Variants in VAV2 observed in about 807,000 individuals in gnomAD.
The protein encoded by VAV2 is guanine nucleotide exchange factor VAV2.
VAV2 carries 67 observed loss-of-function variants against 132.5 expected under a neutral mutation model. The observed-to-expected ratio is 0.51, with a 90% CI of 0.42 to 0.62. The LOEUF is 0.62. Among genes scored for constraint, VAV2 ranks in the 20% least tolerant of loss-of-function variants. The pLI, the probability that VAV2 is intolerant of heterozygous loss-of-function variation, is 0.00. For synonymous variants in VAV2, 492 were observed against 443.5 expected (o/e 1.11, Z -1.37); for missense variants, 938 against 1,153.6 (o/e 0.81, Z 2.71).
chr9:133,783,531 G>A lies in VAV2; in HGVS notation c.1695C>T (p.Cys565=). 1 of 1,613,902 alleles carries A rather than the reference G, an allele frequency of 6.2e-7. No homozygotes were observed. Among genetic ancestry groups the A allele is most frequent in the Non-Finnish European group, 8.5e-7 (1 of 1,179,954 alleles). Reference sequence around the variant, plus strand: ...ACTTGCAGGGAGGTATCACTTCCAGGCACTCCTTGTGTGCCCCGACGCCAC... The same window carrying A: ...ACTTGCAGGGAGGTATCACTTCCAGACACTCCTTGTGTGCCCCGACGCCAC... ...TKCGVGAHKE[C]LEVIPPCKFT... The change falls in exon 19 of 30, where the codon TGC becomes TGT. Residue 565 remains cysteine (C), a synonymous_variant. Coordinates refer to ENST00000371850, the MANE Select transcript of VAV2 (RefSeq NM_001134398.2).
intron 1 of VAV2, among the ~76,000 whole-genome samples, chr9:133,964,114 CTT>C (rs1423045467): frequency 6.9e-6 from 1 of 144,996 alleles, no homozygotes; most frequent in East Asian, 2.0e-4. Flanking sequence ...AGTCCCAGCA[CTT>C]TGGGAGTCCA....
intron 2 of VAV2, among the ~76,000 whole-genome samples, chr9:133,907,746 A>G (rs2132033219): frequency 6.6e-6 from 1 of 152,356 alleles, no homozygotes; most frequent in East Asian, 1.9e-4. Context: ...AAGCCTAATG[A>G]GTTTTGAAAC....
chr9:133,803,239 TC>T (rs2131657525), intron 9 of VAV2, among the ~76,000 whole-genome samples: 2 of 152,270 alleles, frequency 1.3e-5, no homozygotes, highest in South Asian at 4.2e-4. Flanking sequence ...GGCCTTCGTC[TC>T]GTTCTGTTCT....
intron 2 of VAV2, among the ~76,000 whole-genome samples, chr9:133,931,468 C>T (rs62576882): frequency 4.0e-5 from 6 of 150,372 alleles, no homozygotes; most frequent in African/African-American, 7.3e-5. Context: ...TCCCTCTTCC[C>T]TTCTCCCCTC....
In VAV2 at chr9:133,763,198, G is replaced by A. The variant is rs1283824896; in HGVS notation, c.*864C>T. 6.6e-6 allele frequency: 1 copy of A among 152,308 alleles called. No homozygotes were observed. The highest frequency in any genetic ancestry group is 6.5e-5 in the Admixed American group (1 of 15,272). The allele number at this position is 152,308 out of a possible 1,614,324, so 9.4% of individuals were successfully genotyped here. On this transcript the variant is annotated 3_prime_UTR_variant, in exon 30 of 30. Coordinates refer to ENST00000371850, the MANE Select transcript of VAV2 (RefSeq NM_001134398.2). The surrounding 1 kb of genome is among the most constrained non-coding windows in gnomAD (Gnocchi z 6.8). Reference sequence around the variant, plus strand: ...TGGAGAGGGACCTGGCAGGGATCTAGAGAGGGGAAATCCCTGTTTTCTTCC... The same window carrying A: ...TGGAGAGGGACCTGGCAGGGATCTAAAGAGGGGAAATCCCTGTTTTCTTCC...
rs754168996 is a variant in VAV2 at position 133,789,328 on chromosome 9, C to T, written c.1204G>A (p.Glu402Lys). ...SIENLQVKLEEFGRPKIDGEL... is the reference protein window; with the variant it reads ...SIENLQVKLEKFGRPKIDGEL... ...CCGTCAATCTTTGGTCTTCCAAATT[C>T]CTCCAGTTTCACTTGCTGGGAAGAA... The change falls in exon 14 of 30, where the codon GAA becomes AAA. Residue 402 changes from glutamate to lysine, a missense_variant. Transcript: ENST00000371850. The T allele has an allele frequency of 6.8e-6, 11 of 1,613,788 alleles. No homozygotes were observed. In the African/African-American group the frequency reaches 1.3e-4, roughly 20 times the overall value.
chr9:133,877,352 A>G (rs1838304832), intron 2 of VAV2, among the ~76,000 whole-genome samples: 1 of 152,192 alleles, frequency 6.6e-6, no homozygotes, highest in Non-Finnish European at 1.5e-5. Context: ...GGCCAGGCGG[A>G]CAAGCCCAAA....
intron 2 of VAV2, among the ~76,000 whole-genome samples, chr9:133,890,340 G>A (rs1838882909): frequency 6.6e-6 from 1 of 152,240 alleles, no homozygotes; most frequent in Non-Finnish European, 1.5e-5. Flanking sequence ...AGGCCGTGGG[G>A]CAACCAGGAG....
chr9:133,805,988 C>G (rs1230628575), intron 9 of VAV2, 93 bp downstream of exon 9: 2 of 1,370,176 alleles, frequency 1.5e-6, no homozygotes, highest in Admixed American at 2.0e-5. Context: ...TCGGGACACC[C>G]CAAGAGTCCC....
At chr9:133,808,524 G>A (rs1210806220) in intron 7 of VAV2, among the ~76,000 whole-genome samples, 3 of 152,244 alleles carry the variant, frequency 2.0e-5, no homozygotes, top group Non-Finnish European at 4.4e-5. Flanking sequence ...GAGCTCAGCA[G>A]GCCAGCAGGA....
rs1300765782 is a variant in VAV2 at position 133,941,126 on chromosome 9, G to A, written c.205-1907C>T. ...CCAAACACTCAAATGTGGCTAGTCC[G>A]GCTGGGCGCAGCAGCTCACGCCTGT... On this transcript the variant is annotated intron_variant, in intron 1 of 29. Transcript: ENST00000371850. Among the ~76,000 whole-genome samples the A allele has an allele frequency of 2.6e-5, 4 of 152,258 alleles. No homozygotes were observed. The East Asian group carries it at 5.8e-4, about 22-fold the overall frequency.
At chr9:133,929,624 G>C (rs1453852501) in intron 2 of VAV2, among the ~76,000 whole-genome samples, 1 of 152,164 alleles carries the variant, frequency 6.6e-6, no homozygotes, top group African/African-American at 2.4e-5. Context: ...CCCTCTGCCT[G>C]CACGCAAAAG....
chr9:133,977,728 T>C (rs1242750808), intron 1 of VAV2, among the ~76,000 whole-genome samples: 2 of 152,200 alleles, frequency 1.3e-5, no homozygotes, highest in Non-Finnish European at 2.9e-5. Flanking sequence ...CTGCAGCCCC[T>C]GCCGGACGCC....
intron 2 of VAV2, among the ~76,000 whole-genome samples, chr9:133,871,171 G>C (rs1466163793): frequency 1.3e-5 from 2 of 150,610 alleles, no homozygotes; most frequent in African/African-American, 4.9e-5. Flanking sequence ...CAGATGGATG[G>C]ATAGATGAGT....
At chr9:133,786,306 A>T (rs2073910) in intron 16 of VAV2, among the ~76,000 whole-genome samples, 2 of 152,072 alleles carry the variant, frequency 1.3e-5, no homozygotes, top group Admixed American at 1.3e-4. Flanking sequence ...ACACACATGT[A>T]CTAACACGTA....
chr9:133,836,060 A>G (rs1836459236), intron 3 of VAV2, among the ~76,000 whole-genome samples: 1 of 152,182 alleles, frequency 6.6e-6, no homozygotes, highest in Non-Finnish European at 1.5e-5. Flanking sequence ...CATCCTCACC[A>G]TCAGGGCTCC....
At chr9:133,963,714 A>T (rs1156625719) in intron 1 of VAV2, among the ~76,000 whole-genome samples, 1 of 152,184 alleles carries the variant, frequency 6.6e-6, no homozygotes, top group Admixed American at 6.5e-5. Context: ...GCATGATTTT[A>T]TGTATCGCCA....
In VAV2 at chr9:133,940,672, C is replaced by CGTGTGTGTGTGTGTGT. The variant is rs60265901; in HGVS notation, c.205-1469_205-1454dup. 7.1e-3 allele frequency among the ~76,000 whole-genome samples: 987 copies of CGTGTGTGTGTGTGTGT among 139,304 alleles called. 3 individuals carry two copies. Among genetic ancestry groups the CGTGTGTGTGTGTGTGT allele is most frequent in the Non-Finnish European group, 0.01 (638 of 62,164 alleles). 91.4% of individuals were successfully genotyped at this position (139,304 alleles called of 152,430 possible). A position where few individuals can be genotyped will look rare whatever the true frequency, so the allele number is the denominator to read the frequency against. On this transcript the variant is annotated intron_variant, in intron 1 of 29. Transcript: ENST00000371850. Reference sequence around the variant, plus strand: ...CCTAGAGTCCCTCTCTGTCCACGTGCGTGTGTGTGTGTGTGTGTGTGTGTG... The same window carrying CGTGTGTGTGTGTGTGT: ...CCTAGAGTCCCTCTCTGTCCACGTGCGTGTGTGTGTGTGTGTGTGTGTGTGTGTGTGTGTGTGTGTG...
At chr9:133,871,125 CAGAT>C (rs1838018232) in intron 2 of VAV2, among the ~76,000 whole-genome samples, 1 of 133,002 alleles carries the variant, frequency 7.5e-6, no homozygotes, top group South Asian at 2.5e-4. Context: ...GGTGGGTGAA[CAGAT>C]GGATGGATGG....
Sources: allele counts gnomAD v4.1 joint callset (sites outside exome capture counted in the v4.1 genomes callset), GRCh38; gene constraint gnomAD v4.1.1; non-coding constraint Gnocchi (gnomAD v3.1); transcripts MANE v1.5; gene names NCBI Gene and HGNC (gene_info 2026-07-23, HGNC 2026-07-21).